The following ARSG variants were observed in gnomAD, a reference collection of about 807,000 sequenced individuals.
ARSG encodes the protein ASG.
A neutral mutation model predicts 50.5 loss-of-function variants in ARSG; 37 were observed. The ratio of observed to expected loss-of-function variants is 0.73; its 90% CI spans 0.56 to 0.96. The LOEUF (loss-of-function observed/expected upper bound fraction) is 0.96. Among genes scored for constraint, ARSG ranks in the 50% least tolerant of loss-of-function variants. ARSG has a pLI of 0.00. For missense variants in ARSG, 629 were observed against 675.3 expected (o/e 0.93, Z 0.76); for synonymous variants, 225 against 254.6 (o/e 0.88, Z 1.11).
At chr17:68,397,051 G>A (rs769316932) in intron 10 of ARSG, among the ~76,000 whole-genome samples, 14 of 152,208 alleles carry the variant, frequency 9.2e-5, no homozygotes, top group Non-Finnish European at 1.9e-4. Flanking sequence ...TCTCCTTGAC[G>A]TTGTCGGTAC....
intron 2 of ARSG, among the ~76,000 whole-genome samples, chr17:68,336,733 A>G (rs187544827): frequency 1.3e-3 from 205 of 152,138 alleles, no homozygotes; most frequent in Non-Finnish European, 2.1e-3. Flanking sequence ...TGCATCTATA[A>G]TCTTAGGTAC....
chr17:68,391,950 G>A (rs982992536), intron 9 of ARSG, among the ~76,000 whole-genome samples: 1 of 152,246 alleles, frequency 6.6e-6, no homozygotes, highest in African/African-American at 2.4e-5. Flanking sequence ...GAGCCCTGGA[G>A]AGGAGAAGGA....
chr17:68,280,425 C>G (rs1343030763), intron 1 of ARSG, among the ~76,000 whole-genome samples: 1 of 152,120 alleles, frequency 6.6e-6, no homozygotes, highest in African/African-American at 2.4e-5. Flanking sequence ...CAGCATGGTA[C>G]TGGCATAAAA....
chr17:68,385,624 C>G (rs1299898254), intron 9 of ARSG, among the ~76,000 whole-genome samples: 1 of 151,572 alleles, frequency 6.6e-6, no homozygotes, highest in African/African-American at 2.4e-5. Context: ...GAGCCATCTT[C>G]TGGGAATAAC....
intron 11 of ARSG, among the ~76,000 whole-genome samples, chr17:68,403,411 A>G (rs1489687373): frequency 6.6e-6 from 1 of 152,236 alleles, no homozygotes; most frequent in African/African-American, 2.4e-5. Context: ...CAAACTCCCA[A>G]GAGAGTCTGG....
At chr17:68,349,829 C>T (rs1174627962) in intron 4 of ARSG, among the ~76,000 whole-genome samples, 2 of 152,116 alleles carry the variant, frequency 1.3e-5, no homozygotes, top group African/African-American at 4.8e-5. Context: ...GTTGCATGAG[C>T]TGAGATCGTG....
rs147607734 is a variant in ARSG at position 68,279,470 on chromosome 17, C to T, written c.-552+20044C>T. ...GAGTTTGTTAAGCAGGAGTAATTTC[C>T]TCAAAGTTGACCACCACTTAGTATA... On this transcript the variant is annotated intron_variant, in intron 1 of 11. Transcript: ENST00000448504. Among the ~76,000 whole-genome samples, 301 of 152,214 alleles carry T rather than the reference C, an allele frequency of 2.0e-3. 5 individuals are homozygous for T. Among genetic ancestry groups the T allele is most frequent in the Middle Eastern group, 0.017 (5 of 294 alleles).
chr17:68,307,758 C>A, intron 2 of ARSG, 47 bp downstream of exon 2: 1 of 1,069,436 alleles, frequency 9.4e-7, no homozygotes, highest in Non-Finnish European at 1.4e-6. Context: ...TGTCTTACTC[C>A]CGTTCTTGAG....
chr17:68,400,156 ATG>A (rs1201288129), intron 10 of ARSG: 1 of 152,234 alleles, frequency 6.6e-6, no homozygotes, highest in East Asian at 1.9e-4. Flanking sequence ...ACTTTGAATC[ATG>A]TAAGTGCCTT....
intron 2 of ARSG, among the ~76,000 whole-genome samples, chr17:68,332,504 T>C (rs1191932687): frequency 6.6e-6 from 1 of 151,798 alleles, no homozygotes; most frequent in African/African-American, 2.4e-5. Context: ...ATCACAAGAG[T>C]ATTGATTGGG....
chr17:68,416,069 C>T (rs945432024), intron 11 of ARSG, among the ~76,000 whole-genome samples: 5 of 151,954 alleles, frequency 3.3e-5, no homozygotes, highest in Non-Finnish European at 5.9e-5. Context: ...ATTTGTTGCC[C>T]ATGTGCCTTG....
chr17:68,437,212 A>C, the ARSG span, among the ~76,000 whole-genome samples: 1 of 152,160 alleles, frequency 6.6e-6, no homozygotes, highest in Non-Finnish European at 1.5e-5. Flanking sequence ...ACTGTTGGCC[A>C]GTAACTTCAA....
intron 1 of ARSG, among the ~76,000 whole-genome samples, chr17:68,281,869 C>T (rs1461245432): frequency 6.6e-6 from 1 of 152,138 alleles, no homozygotes; most frequent in African/African-American, 2.4e-5. Flanking sequence ...CCTCAAAAAA[C>T]TACAAATATA....
chr17:68,336,934 G>T (rs1045959228), intron 2 of ARSG, among the ~76,000 whole-genome samples: 2 of 152,162 alleles, frequency 1.3e-5, no homozygotes, highest in Non-Finnish European at 2.9e-5. Context: ...GACCTGAGGT[G>T]ACAGGAAGAT....
intron 1 of ARSG, among the ~76,000 whole-genome samples, chr17:68,292,693 ATCCT>A (rs1354351402): frequency 6.6e-6 from 1 of 152,134 alleles, no homozygotes; most frequent in Non-Finnish European, 1.5e-5. Context: ...TTTAATAAAA[ATCCT>A]TCCTTGCTCG....
rs1463260776 is a variant in ARSG, at chr17:68,385,129, C to T, written c.1048C>T (p.Pro350Ser). The T allele has an allele frequency of 6.2e-7, 1 of 1,614,040 alleles. No individual in the cohort carries two copies. The highest frequency in any genetic ancestry group is 8.5e-7 in the Non-Finnish European group (1 of 1,179,968). The change falls in exon 9 of 12, where the codon CCT becomes TCT. Residue 350 changes from proline to serine, a missense_variant. By Grantham distance (74) the Pro-to-Ser change is moderately conservative (BLOSUM62 -1). Coordinates refer to ENST00000621439, the MANE Select transcript of ARSG (RefSeq NM_001267727.2). ...GHRVPALAYW[P>S]GRVPVNVTST... ...CCGGGTCCCAGCACTGGCTTACTGG[C>T]CTGGCAGAGTTCCAGTTAATGTCAC... is the stretch of plus-strand genomic sequence containing the variant.
intron 9 of ARSG, among the ~76,000 whole-genome samples, chr17:68,392,806 A>T (rs567957226): frequency 6.6e-6 from 1 of 152,270 alleles, no homozygotes; most frequent in Admixed American, 6.5e-5. Flanking sequence ...GGCCGCATTC[A>T]CTACTTTGTA....
At chr17:68,354,039 T>A (rs199648918) in intron 5 of ARSG, among the ~76,000 whole-genome samples, 5,531 of 144,458 alleles carry the variant, frequency 0.038, 295 homozygotes, top group Admixed American at 0.11. Flanking sequence ...TTTTTTTTTT[T>A]ATTTCAATCC....
chr17:68,402,405 C>T (rs548318736), intron 11 of ARSG, among the ~76,000 whole-genome samples: 103 of 151,974 alleles, frequency 6.8e-4, no homozygotes, highest in African/African-American at 2.4e-3. Flanking sequence ...CCACCATTCC[C>T]GGCTAATTTT....
Sources: allele counts gnomAD v4.1 joint callset (sites outside exome capture counted in the v4.1 genomes callset), GRCh38; gene constraint gnomAD v4.1.1; transcripts MANE v1.5; gene names NCBI Gene and HGNC (gene_info 2026-07-23, HGNC 2026-07-21).